SCAMP1: variants seen among roughly 807,000 people sequenced by gnomAD.
SCAMP1 encodes secretory carrier-associated membrane protein 1.
SCAMP1 carries 15 observed loss-of-function variants against 41.8 expected under a neutral mutation model. That is an observed-to-expected ratio of 0.36 (90% CI 0.24 to 0.55). The LOEUF is 0.55. SCAMP1 is among the 20% of genes least tolerant of loss of function. The pLI is 0.86. For synonymous variants in SCAMP1, 135 were observed against 136.8 expected (o/e 0.99, Z 0.09); for missense variants, 341 against 412.6 (o/e 0.83, Z 1.50).
Position 78,451,586 on chromosome 5 carries a change from C to A in SCAMP1, c.734+1552C>A, listed in dbSNP as rs570906708. On this transcript the variant is annotated intron_variant, in intron 7 of 8. Transcript: ENST00000621999. ...ATAGTCTACAACCTTTGGCTTTTTT[C>A]CCCTCAGTGTTATTTTCTGGAGATT... Among the ~76,000 whole-genome samples, 6 of 152,102 alleles carry A rather than the reference C, an allele frequency of 3.9e-5. No homozygotes were observed. The South Asian group carries it at 6.2e-4, about 16-fold the overall frequency.
Position 78,405,090 on chromosome 5 carries a change from A to G in SCAMP1, c.136-10430A>G, listed in dbSNP as rs544932661. On this transcript the variant is annotated intron_variant, in intron 2 of 8. Coordinates refer to ENST00000621999, the MANE Select transcript of SCAMP1 (RefSeq NM_004866.6). ...CTATTTCTGCAGTCATGGGTCAGCAATTTGCCCTGTGTCCTCACATCTCTT... is the reference window on the plus strand; with the variant it reads ...CTATTTCTGCAGTCATGGGTCAGCAGTTTGCCCTGTGTCCTCACATCTCTT... Among the ~76,000 whole-genome samples, 44 of 152,302 alleles carry G rather than the reference A, an allele frequency of 2.9e-4. 1 individual carries two copies. The highest frequency in any genetic ancestry group is 2.1e-3 in the South Asian group (10 of 4,826).
At chr5:78,418,712 A>G in intron 4 of SCAMP1, 63 bp from the exon 5 acceptor site, 2 of 1,127,278 alleles carry the variant, frequency 1.8e-6, no homozygotes, top group Non-Finnish European at 1.2e-6. Context: ...TTATGAAACA[A>G]AAAATAATAT....
At chr5:78,379,532 T>G (rs545925071) in intron 1 of SCAMP1, among the ~76,000 whole-genome samples, 1 of 152,316 alleles carries the variant, frequency 6.6e-6, no homozygotes, top group Middle Eastern at 3.4e-3. Flanking sequence ...TGAACTCAGT[T>G]CACTTGAGAA....
rs1752391068 is a variant in SCAMP1, at chr5:78,423,472, T to C, written c.632+1512T>C. 2.0e-5 allele frequency among the ~76,000 whole-genome samples: 3 copies of C among 152,326 alleles called. 1 individual carries two copies. The Middle Eastern group carries it at 0.01, about 518-fold the overall frequency. ...TTTTTTTGGACATCTAACCTCTGCC[T>C]AATGACCTCCATCACATTACCAATA... is the stretch of plus-strand genomic sequence containing the variant. On this transcript the variant is annotated intron_variant, in intron 6 of 8. Transcript: ENST00000621999.
intron 6 of SCAMP1, among the ~76,000 whole-genome samples, chr5:78,428,629 T>C (rs1011991016): frequency 6.6e-6 from 1 of 152,162 alleles, no homozygotes; most frequent in Non-Finnish European, 1.5e-5. Flanking sequence ...TCAGCCTGTT[T>C]CTACAAAAAA....
intron 1 of SCAMP1, among the ~76,000 whole-genome samples, chr5:78,384,578 G>A (rs1462349638): frequency 6.6e-6 from 1 of 152,082 alleles, no homozygotes; most frequent in Non-Finnish European, 1.5e-5. Flanking sequence ...TCAGTGTAAT[G>A]TTGGCTGTAG....
At chr5:78,455,719 G>C (rs1253758425) in intron 7 of SCAMP1, among the ~76,000 whole-genome samples, 2 of 138,276 alleles carry the variant, frequency 1.4e-5, no homozygotes, top group Non-Finnish European at 3.1e-5. Flanking sequence ...GCAGAGCTGA[G>C]TTCAATTCCT....
intron 7 of SCAMP1, among the ~76,000 whole-genome samples, chr5:78,450,261 T>C (rs1372685910): frequency 6.6e-6 from 1 of 152,140 alleles, no homozygotes; most frequent in Non-Finnish European, 1.5e-5. Context: ...TTTTCTAGTT[T>C]AAATAAAACA....
chr5:78,396,097 ACCTATCCCTC>A (rs2112100210), intron 2 of SCAMP1, among the ~76,000 whole-genome samples: 1 of 152,270 alleles, frequency 6.6e-6, no homozygotes, highest in Non-Finnish European at 1.5e-5. Context: ...CCCCCAGAAT[ACCTATCCCTC>A]CCTATCCTTG....
At chr5:78,406,335 A>G (rs557301052) in intron 2 of SCAMP1, among the ~76,000 whole-genome samples, 6 of 152,310 alleles carry the variant, frequency 3.9e-5, no homozygotes, top group Non-Finnish European at 8.8e-5. Context: ...TAAATTAAGT[A>G]ACATTCTTTT....
intron 2 of SCAMP1, among the ~76,000 whole-genome samples, chr5:78,400,184 T>G (rs561362315): frequency 6.6e-6 from 1 of 152,232 alleles, no homozygotes; most frequent in Admixed American, 6.5e-5. Context: ...ACTGTAGTTA[T>G]GTGGGTCTAT....
At chr5:78,362,886 C>A (rs116026829) in intron 1 of SCAMP1, among the ~76,000 whole-genome samples, 1,541 of 137,152 alleles carry the variant, frequency 0.011, 33 homozygotes, top group African/African-American at 0.038. Context: ...GATCATTTTT[C>A]TTTTTTTACT....
At chr5:78,404,482 G>C (rs1300491698) in intron 2 of SCAMP1, among the ~76,000 whole-genome samples, 11 of 95,404 alleles carry the variant, frequency 1.2e-4, no homozygotes, top group Admixed American at 1.1e-3. Flanking sequence ...TTGCTAGGCT[G>C]ACATGATGTA....
At position 78,445,804 on chromosome 5, in the gene SCAMP1, T is replaced by G. The variant is rs141414839; in HGVS notation, c.633-4129T>G. On this transcript the variant is annotated intron_variant, in intron 6 of 8. Transcript: ENST00000621999. The stretch of plus-strand genomic sequence containing the variant: ...GTATTGCTTCATTTTGTTTTGAATT[T>G]GACTGATTTTGCATTTGCAGTAATT... Among the ~76,000 whole-genome samples, 66 of 152,330 alleles carry G rather than the reference T, an allele frequency of 4.3e-4. 1 individual carries two copies. The highest frequency in any genetic ancestry group is 1.5e-3 in the African/African-American group (64 of 41,568).
intron 1 of SCAMP1, among the ~76,000 whole-genome samples, chr5:78,368,981 C>A (rs138210677): frequency 6.6e-6 from 1 of 151,758 alleles, no homozygotes; most frequent in African/African-American, 2.4e-5. Flanking sequence ...TGCAGAAATT[C>A]AAGCAGAAGT....
chr5:78,433,877 C>G (rs1321936552), intron 6 of SCAMP1, among the ~76,000 whole-genome samples: 1 of 152,126 alleles, frequency 6.6e-6, no homozygotes, highest in Non-Finnish European at 1.5e-5. Flanking sequence ...CCTGCCCCAC[C>G]ACCATCTCTA....
chr5:78,457,918 G>C (rs559821903), intron 7 of SCAMP1: 1 of 153,620 alleles, frequency 6.5e-6, no homozygotes, highest in African/African-American at 2.4e-5. Context: ...TCCGAAAGGC[G>C]CAATATTCGG....
At chr5:78,365,417 T>C (rs1358503420) in intron 1 of SCAMP1, among the ~76,000 whole-genome samples, 1 of 130,162 alleles carries the variant, frequency 7.7e-6, no homozygotes, top group Non-Finnish European at 1.5e-5. Flanking sequence ...GAGGTTGCAG[T>C]GAGCTGAGAT....
intron 8 of SCAMP1, among the ~76,000 whole-genome samples, chr5:78,462,683 CTGCCCAGT>C (rs1233835033): frequency 1.3e-5 from 2 of 152,114 alleles, no homozygotes; most frequent in African/African-American, 4.8e-5. Flanking sequence ...GGATTTGTAA[CTGCCCAGT>C]TGTTTTAGCT....
Sources: gnomAD v4.1 joint callset for allele counts (sites outside exome capture counted in the v4.1 genomes callset) on GRCh38, gnomAD v4.1.1 for gene constraint, MANE v1.5 for transcripts, NCBI Gene and HGNC (gene_info 2026-07-23, HGNC 2026-07-21) for gene names.